Variants in BPIFC observed in about 807,000 individuals in gnomAD.
BPIFC encodes BPI fold-containing family C protein.
Under a neutral mutation model 57.6 loss-of-function variants are expected in BPIFC, and 60 were observed. That is an observed-to-expected ratio of 1.04 (90% confidence interval 0.85 to 1.29). The LOEUF (loss-of-function observed/expected upper bound fraction) is 1.29, where lower values mean the gene tolerates loss of function less well. Among genes scored for constraint, BPIFC ranks in the 50% most tolerant of loss-of-function variants. BPIFC has a pLI of 0.00. For synonymous variants in BPIFC, 243 were observed against 224.5 expected (o/e 1.08, Z -0.74); for missense variants, 581 against 600.5 (o/e 0.97, Z 0.34).
intron 13 of BPIFC, among the ~76,000 whole-genome samples, chr22:32,427,542 C>T (rs747643809): frequency 7.9e-5 from 12 of 152,154 alleles, no homozygotes; most frequent in Non-Finnish European, 1.3e-4. Flanking sequence ...CTGGTTCTTT[C>T]CTCTTTGTTT....
At chr22:32,453,989 T>C (rs1934971258) in intron 3 of BPIFC, among the ~76,000 whole-genome samples, 1 of 152,070 alleles carries the variant, frequency 6.6e-6, no homozygotes, top group Non-Finnish European at 1.5e-5. Flanking sequence ...TGCATGTCTA[T>C]AGTACCAGTG....
chr22:32,436,488 G>A (rs1025241630), intron 9 of BPIFC, among the ~76,000 whole-genome samples: 1 of 152,066 alleles, frequency 6.6e-6, no homozygotes, highest in African/African-American at 2.4e-5. Context: ...AGAAGAAGAA[G>A]AAGAAGAATC....
chr22:32,423,667 A>G lies in BPIFC; in HGVS notation c.1218-4263T>C, dbSNP rs569677506. Among the ~76,000 whole-genome samples, 4 of 139,782 alleles carry G rather than the reference A, an allele frequency of 2.9e-5. No homozygotes were observed. The South Asian group carries it at 9.0e-4, about 32-fold the overall frequency. 91.7% of individuals were successfully genotyped at this position (139,782 alleles called of 152,430 possible). On this transcript the variant is annotated intron_variant, in intron 13 of 16. Transcript: ENST00000300399. Reference sequence around the variant, plus strand: ...AGTGTCCAAAGTCTCAATCAATGCAATGTCAAAAAAAAAACAAAAAAACCT... The same window carrying G: ...AGTGTCCAAAGTCTCAATCAATGCAGTGTCAAAAAAAAAACAAAAAAACCT...
rs768252046 is a variant in BPIFC at position 32,432,503 on chromosome 22, C to CACATGAAGGGCCAG, written c.1018_1019insCTGGCCCTTCATGT (p.Arg340ThrfsTer14). The CACATGAAGGGCCAG allele has an allele frequency of 5.6e-6, 9 of 1,614,006 alleles. No homozygotes were observed. In the South Asian group the frequency reaches 9.9e-5, roughly 18 times the overall value. On this transcript the variant is annotated frameshift_variant, in exon 12 of 17. Coordinates refer to ENST00000300399, the MANE Select transcript of BPIFC (RefSeq NM_174932.3). LOFTEE classifies it high-confidence loss of function. ...TATGGGAGGCTCTGTGGCCATGATC[C>CACATGAAGGGCCAG]TCACCATGAAGGGCTGGGACAAGAT...
intron 14 of BPIFC, among the ~76,000 whole-genome samples, chr22:32,418,896 A>T (rs1228530817): frequency 6.6e-6 from 1 of 151,822 alleles, no homozygotes; most frequent in Non-Finnish European, 1.5e-5. Context: ...AAGGCTGGGA[A>T]CCCCCCTCCC....
chr22:32,439,968 A>T (rs1934519940), intron 8 of BPIFC, among the ~76,000 whole-genome samples: 1 of 152,134 alleles, frequency 6.6e-6, no homozygotes, highest in Non-Finnish European at 1.5e-5. Context: ...GACAGCAATC[A>T]TTTCACAGAT....
At position 32,435,841 on chromosome 22, in the gene BPIFC, AG is replaced by A. The variant is rs199560755; in HGVS notation, c.786del (p.Phe263SerfsTer77). The A allele has an allele frequency of 2.8e-5, 45 of 1,613,938 alleles. No individual in the cohort carries two copies. In the South Asian group the frequency reaches 3.5e-4, roughly 13 times the overall value. ...GGGAGCACAAAAGGAACTGGTGAGA[AG>A]GGGGGGTCGGTGAGGTTTTCCAGTG... ...FYPLENLTDP[P>X]FSPVPFVLPE... is the part of the protein sequence containing the mutation. On this transcript the variant is annotated frameshift_variant, in exon 10 of 17. Transcript: ENST00000300399. LOFTEE classifies it high-confidence loss of function.
chr22:32,445,491 C>G, intron 7 of BPIFC, 144 bp downstream of exon 7: 2 of 831,994 alleles, frequency 2.4e-6, no homozygotes, highest in Non-Finnish European at 3.9e-6. Flanking sequence ...GAGCGGAGAT[C>G]GTGCCACTGC....
At chr22:32,419,989 T>A (rs1933796205) in intron 13 of BPIFC, among the ~76,000 whole-genome samples, 1 of 151,938 alleles carries the variant, frequency 6.6e-6, no homozygotes, top group African/African-American at 2.4e-5. Context: ...TACACGGAAC[T>A]TAATGTTGGC....
chr22:32,432,275 C>G (rs879126459), intron 12 of BPIFC, 98 bp downstream of exon 12: 2 of 1,318,000 alleles, frequency 1.5e-6, no homozygotes, highest in Non-Finnish European at 2.1e-6. Context: ...AATGTAGCAT[C>G]CCCACCCTCT....
At chr22:32,455,696 C>T (rs1327452052) in intron 3 of BPIFC, among the ~76,000 whole-genome samples, 1 of 152,150 alleles carries the variant, frequency 6.6e-6, no homozygotes, top group African/African-American at 2.4e-5. Flanking sequence ...GCAGCACAGA[C>T]CTGAATTCAT....
chr22:32,430,524 CAT>C (rs34204138), intron 13 of BPIFC, among the ~76,000 whole-genome samples: 9,839 of 146,364 alleles, frequency 0.067, 816 homozygotes, highest in African/African-American at 0.2. Context: ...ATATATAAAA[CAT>C]AATATATTTT....
chr22:32,422,594 G>A (rs1933879405), intron 13 of BPIFC, among the ~76,000 whole-genome samples: 1 of 152,018 alleles, frequency 6.6e-6, no homozygotes, highest in South Asian at 2.1e-4. Context: ...GTAATCCCCA[G>A]CTACTCGGGA....
intron 13 of BPIFC, among the ~76,000 whole-genome samples, chr22:32,426,048 A>G (rs1338109821): frequency 6.6e-6 from 1 of 152,182 alleles, no homozygotes; most frequent in African/African-American, 2.4e-5. Flanking sequence ...CTGTGATCCT[A>G]CAGTCTGTCT....
At chr22:32,439,113 G>A (rs1374264283) in intron 8 of BPIFC, among the ~76,000 whole-genome samples, 1 of 151,914 alleles carries the variant, frequency 6.6e-6, no homozygotes, top group African/African-American at 2.4e-5. Context: ...ATCACCTGAG[G>A]TCAGGAGTTT....
intron 5 of BPIFC, 100 bp from the exon 6 acceptor site, chr22:32,446,096 G>A (rs76006752): frequency 0.015 from 20,981 of 1,398,342 alleles, 210 homozygotes; most frequent in South Asian, 0.036. Context: ...GGACTGCAGT[G>A]ACTTTGTCAT....
chr22:32,447,442 T>C (rs1195936768), intron 4 of BPIFC, 102 bp from the exon 5 acceptor site: 6 of 1,399,402 alleles, frequency 4.3e-6, no homozygotes, highest in South Asian at 1.5e-5. Flanking sequence ...ATTGAGGCCA[T>C]TGTGAACTCC....
intron 4 of BPIFC, among the ~76,000 whole-genome samples, chr22:32,450,746 G>T (rs1934874396): frequency 6.6e-6 from 1 of 152,038 alleles, no homozygotes; most frequent in African/African-American, 2.4e-5. Flanking sequence ...CTGACATGAT[G>T]CTCAAAGGAA....
rs1935162487 is a variant in BPIFC at position 32,461,670 on chromosome 22, G to C, written c.-88-9C>G. 1 of 984,820 alleles carries C rather than the reference G, an allele frequency of 1.0e-6. No homozygotes were observed. Among genetic ancestry groups the C allele is most frequent in the South Asian group, 4.7e-5 (1 of 21,282 alleles). The allele number at this position is 984,820 out of a possible 1,614,324, so 61.0% of individuals were successfully genotyped here. On this transcript the variant is annotated splice_polypyrimidine_tract_variant and intron_variant, in intron 1 of 16. Coordinates refer to ENST00000300399, the MANE Select transcript of BPIFC (RefSeq NM_174932.3). ...AGGTTAGTCAAGGTGTCCTGGAAAG[G>C]GGGATAAGTAGAGATGAACTATGGG... is the stretch of plus-strand genomic sequence containing the variant.
Sources: allele counts gnomAD v4.1 joint callset (sites outside exome capture counted in the v4.1 genomes callset), GRCh38; gene constraint gnomAD v4.1.1; transcripts MANE v1.5; gene names NCBI Gene and HGNC (gene_info 2026-07-23, HGNC 2026-07-21).